Variants in CCDC149 observed in about 807,000 individuals in gnomAD.
CCDC149 encodes coiled-coil domain containing 149, also known as coiled-coil domain-containing protein 149.
CCDC149 carries 45 observed loss-of-function variants against 59.9 expected under a neutral mutation model. The ratio of observed to expected loss-of-function variants is 0.75; its 90% CI spans 0.59 to 0.96. The LOEUF (loss-of-function observed/expected upper bound fraction) is 0.96, where lower values mean the gene tolerates loss of function less well. Among genes scored for constraint, CCDC149 ranks in the 40% least tolerant of loss-of-function variants. CCDC149 has a pLI of 0.00. For missense variants in CCDC149, 584 were observed against 664.7 expected (o/e 0.88, Z 1.33); for synonymous variants, 245 against 260.6 (o/e 0.94, Z 0.58).
At chr4:24,890,249 A>T (rs1720451580) in intron 1 of CCDC149, among the ~76,000 whole-genome samples, 1 of 152,206 alleles carries the variant, frequency 6.6e-6, no homozygotes, top group South Asian at 2.1e-4. Context: ...GTCCTAACAG[A>T]TGATTCAGCA....
chr4:24,960,980 T>C (rs959068900), intron 1 of CCDC149, among the ~76,000 whole-genome samples: 1 of 152,210 alleles, frequency 6.6e-6, no homozygotes, highest in Admixed American at 6.5e-5. Context: ...AGGTAGACTT[T>C]TCAGTGCTAA....
rs1721985906 is a variant in CCDC149, at chr4:24,912,954, C to T, written c.-75G>A. ...CGCGTCGCCGCCGCCGCCCGGGCCC[C>T]GCGCGGCCCCGAGAGGGCCCGGCGC... On this transcript the variant is annotated 5_prime_UTR_variant, in exon 1 of 13. Transcript: ENST00000635206. 3 of 856,292 alleles carry T rather than the reference C, an allele frequency of 3.5e-6. No individual in the cohort carries two copies. Among genetic ancestry groups the T allele is most frequent in the East Asian group, 6.8e-5 (1 of 14,746 alleles). 53.0% of individuals were successfully genotyped at this position (856,292 alleles called of 1,614,324 possible). A position where few individuals can be genotyped will look rare whatever the true frequency, so the allele number is the denominator to read the frequency against.
intron 1 of CCDC149, among the ~76,000 whole-genome samples, chr4:24,938,953 G>A (rs1319509635): frequency 1.3e-5 from 2 of 152,332 alleles, no homozygotes; most frequent in Non-Finnish European, 1.5e-5. Flanking sequence ...GCCTCTGTAG[G>A]CTCCACCTCT....
rs191954730 is a variant in CCDC149 at position 24,852,935 on chromosome 4, G to A, written c.372+137C>T. On this transcript the variant is annotated intron_variant, in intron 4 of 12. Coordinates refer to ENST00000635206, the MANE Select transcript of CCDC149 (RefSeq NM_001330643.2). ...AAAAAGGTAAGATACGCTAAACTGC[G>A]AATTTTCATTATAAATTTAAAAATC... 6.6e-4 allele frequency: 419 copies of A among 635,822 alleles called. 2 individuals carry two copies. Among genetic ancestry groups the A allele is most frequent in the African/African-American group, 6.4e-3 (347 of 54,414 alleles). The allele number at this position is 635,822 out of a possible 1,614,324, so 39.4% of individuals were successfully genotyped here.
rs78446199 is a variant in CCDC149, at chr4:24,891,383, T to A, written c.64-14686A>T. 2.0e-5 allele frequency among the ~76,000 whole-genome samples: 3 copies of A among 152,144 alleles called. No homozygotes were observed. The East Asian group carries it at 5.8e-4, about 29-fold the overall frequency. On this transcript the variant is annotated intron_variant, in intron 1 of 12. Transcript: ENST00000635206. ...TGGGCTGATTATGCTAGCAAAAGGC[T>A]CCCATGGGTGACCCAAATTAATTAT...
chr4:24,847,508 T>C (rs760582169), intron 4 of CCDC149, among the ~76,000 whole-genome samples: 1 of 152,246 alleles, frequency 6.6e-6, no homozygotes, highest in Non-Finnish European at 1.5e-5. Flanking sequence ...CTGTCTTTCT[T>C]ATCCTTTGAT....
intron 1 of CCDC149, among the ~76,000 whole-genome samples, chr4:24,884,368 A>C (rs1344346350): frequency 6.6e-6 from 1 of 152,198 alleles, no homozygotes; most frequent in African/African-American, 2.4e-5. Flanking sequence ...CTCGGGATGC[A>C]GCGGACTATA....
chr4:24,935,271 A>C (rs907962718), intron 1 of CCDC149, among the ~76,000 whole-genome samples: 9 of 152,222 alleles, frequency 5.9e-5, no homozygotes, highest in Non-Finnish European at 1.3e-4. Context: ...AGGACTAGAC[A>C]ACCGTGTTAA....
At chr4:24,950,422 G>A (rs1723250838) in intron 1 of CCDC149, among the ~76,000 whole-genome samples, 1 of 152,242 alleles carries the variant, frequency 6.6e-6, no homozygotes, top group African/African-American at 2.4e-5. Flanking sequence ...AATGTTAGTT[G>A]TTATTACTCA....
chr4:24,876,378 G>A (rs28629273), intron 2 of CCDC149, among the ~76,000 whole-genome samples, 158 bp downstream of exon 2: 2 of 151,490 alleles, frequency 1.3e-5, no homozygotes, highest in African/African-American at 4.9e-5. Flanking sequence ...AGTGGGACTG[G>A]GTTGTTGAGG....
At chr4:24,863,256 C>T (rs1222488911) in intron 3 of CCDC149, among the ~76,000 whole-genome samples, 1 of 152,202 alleles carries the variant, frequency 6.6e-6, no homozygotes, top group Non-Finnish European at 1.5e-5. Flanking sequence ...CACACCACTG[C>T]ACTCCAGCCT....
At chr4:24,895,585 T>G (rs1436870774) in intron 1 of CCDC149, among the ~76,000 whole-genome samples, 1 of 152,200 alleles carries the variant, frequency 6.6e-6, no homozygotes, top group Non-Finnish European at 1.5e-5. Context: ...AGATAACACC[T>G]TCAGTCATTC....
In CCDC149 at chr4:24,833,438, A is replaced by G. The variant is rs1374871010; in HGVS notation, c.820+1510T>C. ...CAGGAGTTTGAGCTCAGCCTGGCCA[A>G]CACAGTGGAACCCCGTCTCTACTAA... is the stretch of plus-strand genomic sequence containing the variant. On this transcript the variant is annotated intron_variant, in intron 8 of 12. Coordinates refer to ENST00000635206, the MANE Select transcript of CCDC149 (RefSeq NM_001330643.2). Among the ~76,000 whole-genome samples, 6 of 152,236 alleles carry G rather than the reference A, an allele frequency of 3.9e-5. No individual in the cohort carries two copies. In the East Asian group the frequency reaches 1.2e-3, roughly 29 times the overall value.
intron 4 of CCDC149, among the ~76,000 whole-genome samples, chr4:24,846,564 G>A (rs1717301731): frequency 6.6e-6 from 1 of 152,106 alleles, no homozygotes; most frequent in Non-Finnish European, 1.5e-5. Flanking sequence ...GTCTTTATTG[G>A]CCTGTAGCTG....
rs367894192 is a variant in CCDC149, at chr4:24,918,217, A to C, written c.-64-23099T>G. Among the ~76,000 whole-genome samples the C allele has an allele frequency of 1.1e-3, 162 of 152,332 alleles. 6 individuals are homozygous for C. The South Asian group carries it at 0.032, about 30-fold the overall frequency. Reference sequence around the variant, plus strand: ...ACCTACTGTGTACACAGAAATTGCTAGTGAAATGACAGAAATGATTTTTCT... The same window carrying C: ...ACCTACTGTGTACACAGAAATTGCTCGTGAAATGACAGAAATGATTTTTCT... On this transcript the variant is annotated intron_variant, in intron 1 of 12. Transcript: ENST00000389609.
At chr4:24,978,305 A>C (rs1364307919) in intron 1 of CCDC149, among the ~76,000 whole-genome samples, 2 of 152,126 alleles carry the variant, frequency 1.3e-5, no homozygotes. Flanking sequence ...TAAATATCCT[A>C]TTAATAATTT....
At chr4:24,839,028 TCACACACACA>T (rs56226858) in intron 4 of CCDC149, among the ~76,000 whole-genome samples, 3 of 132,118 alleles carry the variant, frequency 2.3e-5, no homozygotes, top group Admixed American at 1.5e-4. Context: ...TCTCTCTCTC[TCACACACACA>T]CACACACACA....
At chr4:24,868,840 A>G (rs1718853325) in intron 3 of CCDC149, among the ~76,000 whole-genome samples, 1 of 152,284 alleles carries the variant, frequency 6.6e-6, no homozygotes, top group East Asian at 1.9e-4. Flanking sequence ...AGTGGACTGC[A>G]GAGGGTCAAA....
intron 3 of CCDC149, among the ~76,000 whole-genome samples, chr4:24,866,102 C>A (rs1718678765): frequency 1.3e-5 from 2 of 152,118 alleles, no homozygotes; most frequent in Admixed American, 1.3e-4. Flanking sequence ...TCACAGGAGA[C>A]TAAAATAAGC....
Sources: gnomAD v4.1 joint callset for allele counts (sites outside exome capture counted in the v4.1 genomes callset) on GRCh38, gnomAD v4.1.1 for gene constraint, MANE v1.5 for transcripts, NCBI Gene and HGNC (gene_info 2026-07-23, HGNC 2026-07-21) for gene names.